TUBGCP2: variants seen among roughly 807,000 people sequenced by gnomAD.
TUBGCP2 encodes the protein gamma-tubulin complex component 2.
In TUBGCP2, 55 loss-of-function variants were observed where a neutral mutation model predicts 92.2. The ratio of observed to expected loss-of-function variants is 0.60; its 90% CI spans 0.48 to 0.75. TUBGCP2 has a LOEUF of 0.75. TUBGCP2 is among the 30% of genes least tolerant of loss of function. The probability of loss-of-function intolerance (pLI) is 0.00; values close to 1 mark genes in which losing one functional copy is unlikely to be tolerated. For missense variants in TUBGCP2, 1,093 were observed against 1,188.9 expected, an observed-to-expected ratio of 0.92 and a Z score of 1.19; for synonymous variants, 533 against 505.2, an observed-to-expected ratio of 1.06 and a Z score of -0.74.
At chr10:133,286,931 A>C (rs1358682698) in intron 11 of TUBGCP2, among the ~76,000 whole-genome samples, 1 of 152,250 alleles carries the variant, frequency 6.6e-6, no homozygotes, top group Non-Finnish European at 1.5e-5. Flanking sequence ...AGAAAAAAGA[A>C]GACCACACTG....
chr10:133,293,557 C>T lies in TUBGCP2; in HGVS notation c.824+5G>A. Reference sequence around the variant, plus strand: ...AGGCTCCCAGGGACCGCGCCCGGTGCCCACCTGGTCACAGCGGAGTAGCTG... The same window carrying T: ...AGGCTCCCAGGGACCGCGCCCGGTGTCCACCTGGTCACAGCGGAGTAGCTG... On this transcript the variant is annotated splice_donor_5th_base_variant and intron_variant, in intron 6 of 17. Transcript: ENST00000252936. 6.4e-7 allele frequency: 1 copy of T among 1,550,884 alleles called. No homozygotes were observed. Among genetic ancestry groups the T allele is most frequent in the South Asian group, 1.2e-5 (1 of 84,090 alleles).
intron 6 of TUBGCP2, 59 bp from the exon 7 acceptor site, chr10:133,293,297 C>A: frequency 6.4e-7 from 1 of 1,570,004 alleles, no homozygotes; most frequent in Non-Finnish European, 8.7e-7. Flanking sequence ...ATACAATGTC[C>A]GATATTCTGA....
In TUBGCP2 at chr10:133,297,965, G is replaced by A. The variant is rs376082257; in HGVS notation, c.603C>T (p.Thr201=). ...CGCATCACGTACCTATCGGCAAAGC[G>A]GTGTCTGTGCTGATGCCAGCACCAA... ...FLIGAGISTD[T]ALPIGTLPLA... is the part of the protein sequence containing the mutation. The change falls in exon 5 of 18, where the codon ACC becomes ACT. Residue 201 remains threonine (T), a synonymous_variant. Transcript: ENST00000252936. The A allele has an allele frequency of 1.2e-5, 20 of 1,613,392 alleles. No individual in the cohort carries two copies. The highest frequency in any genetic ancestry group is 6.7e-5 in the East Asian group (3 of 44,894).
At position 133,283,091 on chromosome 10, in the gene TUBGCP2, G is replaced by A. The variant is rs1002117456; in HGVS notation, c.2276C>T (p.Thr759Ile). 3 of 1,614,094 alleles carry A rather than the reference G, an allele frequency of 1.9e-6. No individual in the cohort carries two copies. Among genetic ancestry groups the A allele is most frequent in the Admixed American group, 1.7e-5 (1 of 60,010 alleles). Residue 759 changes from threonine (T) to isoleucine (I), a missense_variant, in exon 15 of 18, where the codon ACC becomes ATC. Coordinates refer to ENST00000252936, the MANE Select transcript of TUBGCP2 (RefSeq NM_006659.4). Reference protein sequence around the residue: ...SKLMSVCVMFTNCMQKFTQSM... With the variant: ...SKLMSVCVMFINCMQKFTQSM... ...ACACCCACGCACCTGCATGCAGTTG[G>A]TGAACATGACGCACACAGACATGAG...
chr10:133,301,507 G>A (rs76735363), intron 2 of TUBGCP2, among the ~76,000 whole-genome samples: 13 of 152,022 alleles, frequency 8.6e-5, no homozygotes, highest in East Asian at 7.7e-4. Flanking sequence ...TATTCCACTC[G>A]GCTAATTTGC....
intron 11 of TUBGCP2, 68 bp downstream of exon 11, chr10:133,288,061 G>A: frequency 1.3e-5 from 20 of 1,545,624 alleles, no homozygotes; most frequent in Non-Finnish European, 1.7e-5. Context: ...GCTGGCCTCT[G>A]CTGTGCTCTC....
chr10:133,304,309 CAA>C (rs1276224441), intron 1 of TUBGCP2, among the ~76,000 whole-genome samples: 1 of 152,048 alleles, frequency 6.6e-6, no homozygotes, highest in Non-Finnish European at 1.5e-5. Flanking sequence ...CAAAACAAAA[CAA>C]AAAACACAGG....
chr10:133,282,264 C>A lies in TUBGCP2; in HGVS notation c.2368G>T (p.Ala790Ser), dbSNP rs528774527. The A allele has an allele frequency of 1.2e-5, 20 of 1,611,152 alleles. No individual in the cohort carries two copies. The highest frequency in any genetic ancestry group is 4.0e-5 in the African/African-American group (3 of 74,886). Reference protein sequence around the residue: ...LEHSTVLGLPAGAEERARKEL... With the variant: ...LEHSTVLGLPSGAEERARKEL... ...TTCCGGGCCCGCTCCTCGGCCCCTG[C>A]GGGCAGCCCCAGGACGGTGCTGTGC... The change falls in exon 16 of 18, where the codon GCA becomes TCA. Residue 790 changes from alanine to serine, a missense_variant. Ala to Ser is a moderately conservative substitution (Grantham distance 99). Coordinates refer to ENST00000252936, the MANE Select transcript of TUBGCP2 (RefSeq NM_006659.4).
upstream of TUBGCP2, chr10:133,309,280 G>T (rs1847927104): frequency 2.1e-6 from 3 of 1,411,112 alleles, no homozygotes; most frequent in Admixed American, 4.2e-5. Flanking sequence ...CTGAGGCTGT[G>T]GGGCGGGACC....
chr10:133,310,646 G>A (rs1419624191), upstream of TUBGCP2: 4 of 299,758 alleles, frequency 1.3e-5, no homozygotes, highest in African/African-American at 6.5e-5. Context: ...CCTCGGGGCC[G>A]TGTCTGTACC....
At position 133,282,266 on chromosome 10, in the gene TUBGCP2, G is replaced by A; in HGVS notation, c.2366C>T (p.Pro789Leu). ...CCGGGCCCGCTCCTCGGCCCCTGCG[G>A]GCAGCCCCAGGACGGTGCTGTGCTC... ...TLEHSTVLGL[P>L]AGAEERARKE... The change falls in exon 16 of 18, where the codon CCC becomes CTC. Residue 789 changes from proline (P) to leucine (L), a missense_variant. Around this residue, in one of 3 missense-constraint regions of TUBGCP2, gnomAD observed 598 missense variants for 675.5 expected, o/e 0.89. Coordinates refer to ENST00000252936, the MANE Select transcript of TUBGCP2 (RefSeq NM_006659.4). 1.2e-6 allele frequency: 2 copies of A among 1,611,614 alleles called. No individual in the cohort carries two copies. Among genetic ancestry groups the A allele is most frequent in the Non-Finnish European group, 1.7e-6 (2 of 1,179,216 alleles).
chr10:133,312,069 A>G (rs147748342), upstream of TUBGCP2: 1,003 of 1,466,314 alleles, frequency 6.8e-4, 6 homozygotes, highest in African/African-American at 0.012. Context: ...AGGAATGCCA[A>G]GCACCACTCA....
At position 133,308,838 on chromosome 10, in the gene TUBGCP2, A is replaced by ACAGCCCCCGCG. The variant is rs1847897619; in HGVS notation, c.-66_-56dup. The ACAGCCCCCGCG allele has an allele frequency of 6.9e-6, 7 of 1,010,634 alleles. No individual in the cohort carries two copies. Among genetic ancestry groups the ACAGCCCCCGCG allele is most frequent in the Non-Finnish European group, 8.8e-6 (7 of 798,816 alleles). The allele number at this position is 1,010,634 out of a possible 1,614,324, so 62.6% of individuals were successfully genotyped here. ...CAGGACTCACCGCAGTCCCGGAGCC[A>ACAGCCCCCGCG]CAGCCCCCGCGCAGCCCCCGACGGC... On this transcript the variant is annotated 5_prime_UTR_variant, in exon 1 of 18. Coordinates refer to ENST00000252936, the MANE Select transcript of TUBGCP2 (RefSeq NM_006659.4).
At chr10:133,281,567 T>A (rs1846978583) in intron 16 of TUBGCP2, 131 bp from the exon 17 acceptor site, 1 of 1,206,356 alleles carries the variant, frequency 8.3e-7, no homozygotes, top group African/African-American at 1.5e-5. Context: ...GGTTCCATGA[T>A]GTTTTCAGGA....
At chr10:133,301,002 CT>C (rs1847637639) in intron 2 of TUBGCP2, among the ~76,000 whole-genome samples, 5 of 152,214 alleles carry the variant, frequency 3.3e-5, no homozygotes, top group Admixed American at 3.3e-4. Flanking sequence ...AGCGACTTAC[CT>C]TTTCCCCCCA....
rs918342369 is a variant in TUBGCP2 at position 133,279,359 on chromosome 10, C to T, written c.*407G>A. 5 of 182,332 alleles carry T rather than the reference C, an allele frequency of 2.7e-5. No homozygotes were observed. Among genetic ancestry groups the T allele is most frequent in the South Asian group, 9.6e-5 (1 of 10,384 alleles). 11.3% of individuals were successfully genotyped at this position (182,332 alleles called of 1,614,324 possible). A position where few individuals can be genotyped will look rare whatever the true frequency, so the allele number is the denominator to read the frequency against. On this transcript the variant is annotated 3_prime_UTR_variant, in exon 18 of 18. Transcript: ENST00000252936. ...CGGTGGGTTTCCACAACTCCCTGAC[C>T]GTTTCCAGAGGCTTGTCCCGGTTCC...
chr10:133,301,776 G>A (rs1847665663), intron 2 of TUBGCP2: 1 of 122,118 alleles, frequency 8.2e-6, no homozygotes, highest in South Asian at 2.8e-4. Flanking sequence ...GCAGTGGCAC[G>A]ATATCTCGGC....
At chr10:133,302,177 GGA>G (rs1483212218) in intron 2 of TUBGCP2, 1 of 159,022 alleles carries the variant, frequency 6.3e-6, no homozygotes, top group Non-Finnish European at 1.4e-5. Context: ...GCTGCTGGGG[GGA>G]GTCAGGAGAA....
At chr10:133,309,046 C>T (rs1275603255), upstream of TUBGCP2, 1 of 1,277,016 alleles carries the variant, frequency 7.8e-7, no homozygotes, top group Non-Finnish European at 9.9e-7. Flanking sequence ...CGCGCCCTTT[C>T]GCTTCGTTGC....
Sources: allele counts gnomAD v4.1 joint callset (sites outside exome capture counted in the v4.1 genomes callset), GRCh38; gene constraint gnomAD v4.1.1; regional missense constraint gnomAD v4.1.1; transcripts MANE v1.5; gene names NCBI Gene and HGNC (gene_info 2026-07-23, HGNC 2026-07-21).